Variants in TPP2 observed in about 807,000 individuals in gnomAD.
TPP2 encodes tripeptidyl-peptidase 2.
TPP2 carries 34 observed loss-of-function variants against 155.9 expected under a neutral mutation model. That is an observed-to-expected ratio of 0.22 (90% CI 0.17 to 0.29). The LOEUF is 0.29. Among genes scored for constraint, TPP2 ranks in the 10% least tolerant of loss-of-function variants. TPP2 has a pLI of 1.00. For missense variants in TPP2, 1,028 were observed against 1,522.3 expected (o/e 0.68, Z 5.40); for synonymous variants, 510 against 529.4 (o/e 0.96, Z 0.50).
chr13:102,638,186 C>T (rs1412783491), intron 14 of TPP2, 53 bp from the exon 15 acceptor site: 2 of 1,531,910 alleles, frequency 1.3e-6, no homozygotes, highest in East Asian at 2.2e-5. Context: ...CCTTCCCCCG[C>T]TCTTTTAAAC....
chr13:102,642,537 AT>A (rs1188372986), intron 16 of TPP2, among the ~76,000 whole-genome samples: 5 of 152,072 alleles, frequency 3.3e-5, no homozygotes, highest in Admixed American at 6.6e-5. Flanking sequence ...ATAACACTAG[AT>A]TTTGTATTCT....
intron 6 of TPP2, among the ~76,000 whole-genome samples, chr13:102,623,517 C>A (rs918590486): frequency 2.1e-4 from 32 of 152,250 alleles, no homozygotes; most frequent in Admixed American, 5.9e-4. Flanking sequence ...GAGCCGAGAT[C>A]GTGCCATTGC....
At chr13:102,600,792 C>G (rs1359217620) in intron 1 of TPP2, among the ~76,000 whole-genome samples, 1 of 152,056 alleles carries the variant, frequency 6.6e-6, no homozygotes, top group East Asian at 1.9e-4. Flanking sequence ...TTTATTACCT[C>G]TCTTTCAGTT....
chr13:102,636,097 GT>G (rs1375547433), intron 12 of TPP2, 126 bp from the exon 13 acceptor site: 3 of 898,174 alleles, frequency 3.3e-6, no homozygotes, highest in Non-Finnish European at 3.3e-6. Flanking sequence ...GTACTAGGTA[GT>G]TTTGAGAGGT....
At chr13:102,650,670 T>G (rs1883426073) in intron 23 of TPP2, among the ~76,000 whole-genome samples, 1 of 152,106 alleles carries the variant, frequency 6.6e-6, no homozygotes, top group Non-Finnish European at 1.5e-5. Flanking sequence ...CTTTGAAGAG[T>G]CTGCTTACTT....
intron 15 of TPP2, among the ~76,000 whole-genome samples, chr13:102,638,819 C>T (rs1487225805): frequency 6.6e-6 from 1 of 152,114 alleles, no homozygotes; most frequent in African/African-American, 2.4e-5. Context: ...ATATTACTTC[C>T]TGCTTAAAGT....
chr13:102,637,401 T>A (rs374989325), intron 14 of TPP2, among the ~76,000 whole-genome samples, 162 bp downstream of exon 14: 1 of 152,226 alleles, frequency 6.6e-6, no homozygotes, highest in Non-Finnish European at 1.5e-5. Context: ...TCTATATTCA[T>A]TTAAGCAGTG....
At chr13:102,602,283 A>G (rs1879488529) in intron 1 of TPP2, among the ~76,000 whole-genome samples, 1 of 151,796 alleles carries the variant, frequency 6.6e-6, no homozygotes, top group South Asian at 2.1e-4. Flanking sequence ...TCTCTTTTTT[A>G]ATTATATTTT....
intron 2 of TPP2, among the ~76,000 whole-genome samples, chr13:102,613,258 A>G (rs1362457447): frequency 6.6e-6 from 1 of 152,212 alleles, no homozygotes; most frequent in African/African-American, 2.4e-5. Flanking sequence ...TTGTGAGGAA[A>G]TTTCATCCAA....
Position 102,679,018 on chromosome 13 carries a change from G to T in TPP2, c.*702G>T, listed in dbSNP as rs201283559. ...TGCCAGACAGCTGAATCTTTATCAGGTATTGTAAAGATACACATATGATAT... is the reference window on the plus strand; with the variant it reads ...TGCCAGACAGCTGAATCTTTATCAGTTATTGTAAAGATACACATATGATAT... On this transcript the variant is annotated 3_prime_UTR_variant, in exon 30 of 30. Transcript: ENST00000376052. 7 of 152,410 alleles carry T rather than the reference G, an allele frequency of 4.6e-5. No individual in the cohort carries two copies. The East Asian group carries it at 1.2e-3, about 25-fold the overall frequency. 9.4% of individuals were successfully genotyped at this position (152,410 alleles called of 1,614,324 possible).
intron 1 of TPP2, among the ~76,000 whole-genome samples, 187 bp downstream of exon 1, chr13:102,597,390 T>G (rs1450845423): frequency 6.6e-6 from 1 of 152,070 alleles, no homozygotes; most frequent in Non-Finnish European, 1.5e-5. Flanking sequence ...CCAAGGGGAC[T>G]CAACGGCGCA....
In TPP2 at chr13:102,672,099, C is replaced by T. The variant is rs374075755; in HGVS notation, c.3372-2184C>T. 6.6e-5 allele frequency among the ~76,000 whole-genome samples: 10 copies of T among 152,218 alleles called. No individual in the cohort carries two copies. In the East Asian group the frequency reaches 1.4e-3, roughly 21 times the overall value. ...GTTCCTCTCATGGGGCACCACCTGC[C>T]AAGTCTGTCCCTCAGACTATGGCCG... On this transcript the variant is annotated intron_variant, in intron 27 of 29. Coordinates refer to ENST00000376052, the MANE Select transcript of TPP2 (RefSeq NM_001330588.2).
chr13:102,598,909 A>G (rs1012565769), intron 1 of TPP2, among the ~76,000 whole-genome samples: 4 of 152,254 alleles, frequency 2.6e-5, no homozygotes, highest in Non-Finnish European at 5.9e-5. Flanking sequence ...GAAAAATATT[A>G]AACTATTTTG....
intron 2 of TPP2, among the ~76,000 whole-genome samples, chr13:102,613,363 G>C (rs1181348093): frequency 6.6e-6 from 1 of 152,170 alleles, no homozygotes; most frequent in East Asian, 1.9e-4. Flanking sequence ...AGCTCTGAGT[G>C]TTTCAACCTT....
rs1257588431 is a variant in TPP2 at position 102,640,290 on chromosome 13, A to G, written c.1934A>G (p.Tyr645Cys). ...IAAKVNESSHYDLAFTDVHFK... is the reference protein window; with the variant it reads ...IAAKVNESSHCDLAFTDVHFK... Reference sequence around the variant, plus strand: ...TTCAGAGTAAATGAATCATCACATTATGATCTAGCCTTTACAGATGTACAC... The same window carrying G: ...TTCAGAGTAAATGAATCATCACATTGTGATCTAGCCTTTACAGATGTACAC... The change falls in exon 16 of 30, where the codon TAT becomes TGT. Residue 645 changes from tyrosine (Y) to cysteine (C), a missense_variant. Around this residue, in one of 7 missense-constraint regions of TPP2, gnomAD observed 325 missense variants for 463.7 expected, o/e 0.70. Coordinates refer to ENST00000376052, the MANE Select transcript of TPP2 (RefSeq NM_001330588.2). 1.2e-6 allele frequency: 2 copies of G among 1,608,272 alleles called. No individual in the cohort carries two copies. The highest frequency in any genetic ancestry group is 1.7e-6 in the Non-Finnish European group (2 of 1,176,430).
At chr13:102,627,443 G>A (rs1379952548) in intron 7 of TPP2, among the ~76,000 whole-genome samples, 1 of 152,002 alleles carries the variant, frequency 6.6e-6, no homozygotes, top group Non-Finnish European at 1.5e-5. Flanking sequence ...TAAAAAGAAA[G>A]ACCTCTTAGC....
At chr13:102,664,656 G>A (rs1884471743) in intron 26 of TPP2, 139 bp from the exon 27 acceptor site, 1 of 789,686 alleles carries the variant, frequency 1.3e-6, no homozygotes, top group Non-Finnish European at 1.9e-6. Flanking sequence ...AGATAGCAGG[G>A]AGCCCCTGGG....
chr13:102,637,294 TA>T lies in TPP2; in HGVS notation c.1836+64del, dbSNP rs928760295. The T allele has an allele frequency of 3.0e-4, 461 of 1,525,192 alleles. 1 individual carries two copies. The highest frequency in any genetic ancestry group is 2.0e-3 in the African/African-American group (143 of 70,444). The allele number at this position is 1,525,192 out of a possible 1,614,324, so 94.5% of individuals were successfully genotyped here. A position where few individuals can be genotyped will look rare whatever the true frequency, so the allele number is the denominator to read the frequency against. On this transcript the variant is annotated intron_variant, in intron 14 of 29. Transcript: ENST00000376052. ...TCACTCTTTAAAATGTTTAAAAGGT[TA>T]AAAAAAAATCCAAAGTATATTTGCA...
In TPP2 at chr13:102,647,353, T is replaced by C. The variant is rs762688325; in HGVS notation, c.2628+9T>C. On this transcript the variant is annotated intron_variant, in intron 21 of 29. Transcript: ENST00000376052. The stretch of plus-strand genomic sequence containing the variant: ...ATGCCTATCCACATCAGGTATAAAA[T>C]TGATGGTGATTTTTAGAATTAACGG... The C allele has an allele frequency of 2.3e-5, 37 of 1,603,306 alleles. No homozygotes were observed. In the South Asian group the frequency reaches 3.5e-4, roughly 15 times the overall value.
Sources: gnomAD v4.1 joint callset for allele counts (sites outside exome capture counted in the v4.1 genomes callset) on GRCh38, gnomAD v4.1.1 for gene constraint, gnomAD v4.1.1 regional missense constraint, MANE v1.5 for transcripts, NCBI Gene and HGNC (gene_info 2026-07-23, HGNC 2026-07-21) for gene names.